The following AGBL4 variants were observed in gnomAD, a reference collection of about 807,000 sequenced individuals.
AGBL4 encodes the protein cytosolic carboxypeptidase 6.
A neutral mutation model predicts 66.4 loss-of-function variants in AGBL4; 58 were observed. The observed-to-expected ratio is 0.87, with a 90% CI of 0.71 to 1.09. AGBL4 has a LOEUF of 1.09. Among genes scored for constraint, AGBL4 ranks in the 50% least tolerant of loss-of-function variants. The pLI is 0.00. For missense variants in AGBL4, 579 were observed against 631.0 expected (o/e 0.92, Z 0.88); for synonymous variants, 234 against 222.9 (o/e 1.05, Z -0.44).
chr1:49,620,978 C>A (rs1486487954), intron 3 of AGBL4, among the ~76,000 whole-genome samples: 1 of 151,942 alleles, frequency 6.6e-6, no homozygotes, highest in African/African-American at 2.4e-5. Flanking sequence ...ATAGTTTGGA[C>A]AACCCATTAT....
At chr1:48,927,706 A>C (rs781563225) in intron 5 of AGBL4, among the ~76,000 whole-genome samples, 4 of 152,214 alleles carry the variant, frequency 2.6e-5, no homozygotes, top group Non-Finnish European at 5.9e-5. Flanking sequence ...TGTGTCAAGC[A>C]CTGTGTTGGG....
chr1:48,737,955 C>T (rs1649327214), intron 6 of AGBL4, among the ~76,000 whole-genome samples: 1 of 152,136 alleles, frequency 6.6e-6, no homozygotes. Flanking sequence ...TTCAGAAAGG[C>T]CTGCAGTTTG....
At chr1:49,546,187 C>T (rs556137704) in intron 3 of AGBL4, among the ~76,000 whole-genome samples, 1 of 152,196 alleles carries the variant, frequency 6.6e-6, no homozygotes, top group South Asian at 2.1e-4. Flanking sequence ...TCATCTAACC[C>T]AGGTCACGGC....
chr1:49,287,406 T>C (rs1266283208), intron 3 of AGBL4, among the ~76,000 whole-genome samples: 1 of 148,512 alleles, frequency 6.7e-6, no homozygotes, highest in Non-Finnish European at 1.5e-5. Flanking sequence ...CAAAAGAAAC[T>C]ACCATCAGAG....
At chr1:49,073,329 C>A (rs1644647628) in intron 4 of AGBL4, among the ~76,000 whole-genome samples, 1 of 152,142 alleles carries the variant, frequency 6.6e-6, no homozygotes, top group South Asian at 2.1e-4. Context: ...AAGAGACATT[C>A]TGGTTTTTGG....
At chr1:49,836,446 T>C (rs926638383) in intron 2 of AGBL4, among the ~76,000 whole-genome samples, 1 of 152,206 alleles carries the variant, frequency 6.6e-6, no homozygotes, top group East Asian at 1.9e-4. Context: ...TGTTCTTCTC[T>C]AAACTGATTA....
intron 9 of AGBL4, among the ~76,000 whole-genome samples, chr1:48,596,708 G>T (rs1364447419): frequency 6.6e-6 from 1 of 152,136 alleles, no homozygotes; most frequent in Non-Finnish European, 1.5e-5. Context: ...GGCTCCCAAA[G>T]TGCTGGGTTT....
At chr1:49,179,734 T>C (rs1215330630) in intron 4 of AGBL4, among the ~76,000 whole-genome samples, 4 of 151,848 alleles carry the variant, frequency 2.6e-5, no homozygotes, top group African/African-American at 9.7e-5. Context: ...ATGTGATATC[T>C]CTGTCTTAGT....
intron 3 of AGBL4, among the ~76,000 whole-genome samples, chr1:49,546,154 T>C (rs1652464702): frequency 6.6e-6 from 1 of 152,198 alleles, no homozygotes; most frequent in Non-Finnish European, 1.5e-5. Flanking sequence ...TCTGAGTTAC[T>C]TCACTTAGAA....
At chr1:49,627,971 C>A (rs1365982233) in intron 3 of AGBL4, among the ~76,000 whole-genome samples, 1 of 152,124 alleles carries the variant, frequency 6.6e-6, no homozygotes, top group African/African-American at 2.4e-5. Flanking sequence ...GATATCCAAT[C>A]GCAGATAAGC....
chr1:49,184,994 T>G (rs892823765), intron 4 of AGBL4, among the ~76,000 whole-genome samples: 12 of 152,208 alleles, frequency 7.9e-5, no homozygotes, highest in African/African-American at 2.9e-4. Context: ...TCCCTCCAAG[T>G]GTTTTCATAT....
chr1:48,772,264 GGA>G (rs1188988734), intron 6 of AGBL4, among the ~76,000 whole-genome samples: 6 of 152,356 alleles, frequency 3.9e-5, no homozygotes, highest in Admixed American at 2.0e-4. Flanking sequence ...TTCTGAGGAG[GGA>G]GAGAGTCTCT....
chr1:49,124,080 G>A (rs1253243978), intron 4 of AGBL4, among the ~76,000 whole-genome samples: 1 of 152,168 alleles, frequency 6.6e-6, no homozygotes. Context: ...CCAGCTGGAG[G>A]CCTTGGAGGT....
At chr1:49,067,407 A>G (rs545252293) in intron 4 of AGBL4, among the ~76,000 whole-genome samples, 6 of 152,254 alleles carry the variant, frequency 3.9e-5, no homozygotes, top group Admixed American at 2.0e-4. Flanking sequence ...CATGACCTCT[A>G]CCTACTTCAT....
intron 3 of AGBL4, chr1:49,269,322 T>C (rs779781455): frequency 6.6e-6 from 1 of 152,210 alleles, no homozygotes; most frequent in Non-Finnish European, 1.5e-5. Context: ...TGCTTTGTTA[T>C]TGAAAGAAAT....
chr1:48,564,433 T>C (rs761698918), intron 11 of AGBL4, among the ~76,000 whole-genome samples: 1 of 151,362 alleles, frequency 6.6e-6, no homozygotes, highest in Non-Finnish European at 1.5e-5. Flanking sequence ...CCACACTAGA[T>C]GACATGGGGG....
At chr1:48,838,010 A>G (rs1646723056) in intron 6 of AGBL4, among the ~76,000 whole-genome samples, 1 of 151,900 alleles carries the variant, frequency 6.6e-6, no homozygotes, top group Non-Finnish European at 1.5e-5. Context: ...AAGAATTAAA[A>G]CTGGCAGACC....
chr1:49,806,992 C>T (rs1261260453), intron 2 of AGBL4, among the ~76,000 whole-genome samples: 1 of 152,182 alleles, frequency 6.6e-6, no homozygotes, highest in Non-Finnish European at 1.5e-5. Flanking sequence ...TCTCAGACTA[C>T]ACAAGCTGTG....
intron 4 of AGBL4, among the ~76,000 whole-genome samples, chr1:49,095,859 A>G (rs2147989854): frequency 6.6e-6 from 1 of 151,338 alleles, no homozygotes; most frequent in East Asian, 1.9e-4. Flanking sequence ...TAAACTAAAG[A>G]GCTTCTGCAC....
Sources: allele counts gnomAD v4.1 joint callset (sites outside exome capture counted in the v4.1 genomes callset), GRCh38; gene constraint gnomAD v4.1.1; transcripts MANE v1.5; gene names NCBI Gene and HGNC (gene_info 2026-07-23, HGNC 2026-07-21).